Variants in ZBTB16 observed in about 807,000 individuals in gnomAD.
ZBTB16 encodes the protein zinc finger and BTB domain containing 16.
In ZBTB16, 8 loss-of-function variants were observed where a neutral mutation model predicts 56.8. The ratio of observed to expected loss-of-function variants is 0.14; its 90% CI spans 0.08 to 0.25. The LOEUF (loss-of-function observed/expected upper bound fraction) is 0.25. ZBTB16 is among the 10% of genes least tolerant of loss of function. The probability of loss-of-function intolerance (pLI) is 1.00; values close to 1 mark genes in which losing one functional copy is unlikely to be tolerated. For missense variants in ZBTB16, 625 were observed against 903.0 expected, an observed-to-expected ratio of 0.69 and a Z score of 3.95; for synonymous variants, 363 against 368.5, an observed-to-expected ratio of 0.98 and a Z score of 0.17.
chr11:114,199,140 A>G (rs1311922925), intron 4 of ZBTB16, among the ~76,000 whole-genome samples: 2 of 152,204 alleles, frequency 1.3e-5, no homozygotes, highest in Non-Finnish European at 2.9e-5. Flanking sequence ...GGGACCTGGG[A>G]CCGGGATGCC....
chr11:114,131,448 G>A (rs765662569), intron 2 of ZBTB16, among the ~76,000 whole-genome samples: 6 of 152,142 alleles, frequency 3.9e-5, no homozygotes, highest in Non-Finnish European at 7.3e-5. Flanking sequence ...TGCTGGAAAC[G>A]TTCTGAATAA....
chr11:114,061,309 C>T (rs1391101920), intron 1 of ZBTB16: 1 of 149,338 alleles, frequency 6.7e-6, no homozygotes, highest in Non-Finnish European at 1.5e-5. Context: ...AGATTTCCCT[C>T]AGGACCCAAA....
chr11:114,164,971 T>C (rs943180178), intron 3 of ZBTB16, among the ~76,000 whole-genome samples: 3 of 152,164 alleles, frequency 2.0e-5, no homozygotes, highest in Non-Finnish European at 4.4e-5. Flanking sequence ...GTATTTTCTG[T>C]CTTCCTTCTT....
chr11:114,121,578 G>A (rs1591687356), intron 2 of ZBTB16, among the ~76,000 whole-genome samples: 1 of 152,116 alleles, frequency 6.6e-6, no homozygotes, highest in African/African-American at 2.4e-5. Flanking sequence ...ATCTCATTTA[G>A]TCATGACAGT....
chr11:114,108,852 C>A (rs1940898768), intron 2 of ZBTB16, among the ~76,000 whole-genome samples: 1 of 152,244 alleles, frequency 6.6e-6, no homozygotes, highest in Non-Finnish European at 1.5e-5. Flanking sequence ...GATTGCTTGG[C>A]CTGAGCTCTT....
chr11:114,242,834 ACTTTCC>A (rs1944739651), intron 5 of ZBTB16, among the ~76,000 whole-genome samples: 1 of 152,172 alleles, frequency 6.6e-6, no homozygotes, highest in Non-Finnish European at 1.5e-5. Context: ...CAGTGATCCT[ACTTTCC>A]CCACAGTAAC....
At chr11:114,098,491 T>C (rs1461549995) in intron 2 of ZBTB16, among the ~76,000 whole-genome samples, 1 of 151,770 alleles carries the variant, frequency 6.6e-6, no homozygotes, top group African/African-American at 2.4e-5. Context: ...TAGTGTTGGA[T>C]CTTTTTTGGT....
chr11:114,231,509 T>C (rs1301292328), intron 4 of ZBTB16, among the ~76,000 whole-genome samples: 2 of 152,200 alleles, frequency 1.3e-5, no homozygotes. Flanking sequence ...TAGGAGGTCT[T>C]AAGCTGCTAA....
intron 2 of ZBTB16, among the ~76,000 whole-genome samples, chr11:114,100,292 T>A (rs1940562547): frequency 1.3e-5 from 2 of 152,148 alleles, no homozygotes; most frequent in African/African-American, 4.8e-5. Flanking sequence ...TAAAATTGGA[T>A]GGAGGTAGCT....
intron 3 of ZBTB16, among the ~76,000 whole-genome samples, chr11:114,171,440 C>T (rs1045123837): frequency 8.5e-5 from 13 of 152,188 alleles, no homozygotes; most frequent in Non-Finnish European, 1.5e-4. Flanking sequence ...GCCCTTTGGA[C>T]GGGGCCCTGG....
chr11:114,250,380 C>T lies in ZBTB16; in HGVS notation c.1847C>T (p.Ala616Val), dbSNP rs1944896518. The change falls in exon 7 of 7, where the codon GCC becomes GTC. Residue 616 changes from alanine (A) to valine (V), a missense_variant. This residue lies in a region of ZBTB16 where 40 missense variants were observed against 93.2 expected (regional missense o/e 0.43). Transcript: ENST00000335953. This position sits in a 1 kb window ranked among gnomAD's most constrained non-coding sequence, Gnocchi z 6.0. The stretch of plus-strand genomic sequence containing the variant: ...CACCAGCGCTCCCGGGACTACTCGG[C>T]CATGATCAAGCACCTGAGAACGCAC... ...LCHQRSRDYSAMIKHLRTHNG... is the reference protein window; with the variant it reads ...LCHQRSRDYSVMIKHLRTHNG... The T allele has an allele frequency of 6.2e-7, 1 of 1,613,888 alleles. No homozygotes were observed. Among genetic ancestry groups the T allele is most frequent in the African/African-American group, 1.3e-5 (1 of 74,930 alleles).
chr11:114,213,134 A>G (rs1944028912), intron 4 of ZBTB16, among the ~76,000 whole-genome samples: 2 of 151,912 alleles, frequency 1.3e-5, no homozygotes, highest in South Asian at 4.2e-4. Context: ...CTGCTCCACC[A>G]TGGCCTGGCT....
intron 2 of ZBTB16, among the ~76,000 whole-genome samples, chr11:114,078,085 G>C (rs1939632592): frequency 6.6e-6 from 1 of 152,166 alleles, no homozygotes; most frequent in Non-Finnish European, 1.5e-5. Flanking sequence ...GGAGAAGTGT[G>C]AAAGAGCCTG....
At chr11:114,220,403 GTAAA>G (rs1944207118) in intron 4 of ZBTB16, among the ~76,000 whole-genome samples, 1 of 152,216 alleles carries the variant, frequency 6.6e-6, no homozygotes, top group Non-Finnish European at 1.5e-5. Flanking sequence ...GTGAGTGTGT[GTAAA>G]TATGTCATGT....
chr11:114,237,081 G>T (rs1325721913), intron 4 of ZBTB16: 1 of 152,326 alleles, frequency 6.6e-6, no homozygotes, highest in East Asian at 1.9e-4. Flanking sequence ...GCACAAGGGT[G>T]CCCAGCTGAG....
chr11:114,116,991 G>A lies in ZBTB16; in HGVS notation c.1269-39346G>A, dbSNP rs117065272. 3.8e-3 allele frequency among the ~76,000 whole-genome samples: 579 copies of A among 152,236 alleles called. 9 individuals are homozygous for A. In the East Asian group the frequency reaches 0.048, roughly 13 times the overall value. On this transcript the variant is annotated intron_variant, in intron 2 of 6. Coordinates refer to ENST00000335953, the MANE Select transcript of ZBTB16 (RefSeq NM_006006.6). ...TAGAACAAAGTGTAGAGGAAATGGA[G>A]GTGAAGCAGCAATTGACTAGGTTTT...
rs185920495 is a variant in ZBTB16, at chr11:114,143,499, G to C, written c.1269-12838G>C. 1.3e-5 allele frequency among the ~76,000 whole-genome samples: 2 copies of C among 152,298 alleles called. No individual in the cohort carries two copies. Among genetic ancestry groups the C allele is most frequent in the Admixed American group, 1.3e-4 (2 of 15,300 alleles). On this transcript the variant is annotated intron_variant, in intron 2 of 6. Coordinates refer to ENST00000335953, the MANE Select transcript of ZBTB16 (RefSeq NM_006006.6). The surrounding 1 kb of genome is among the most constrained non-coding windows in gnomAD (Gnocchi z 6.4). ...TTCTAGGGATGGTACTGACCCTCTT[G>C]CCTAGTGAAATGTCCTTTTGGAAGT...
intron 4 of ZBTB16, among the ~76,000 whole-genome samples, chr11:114,191,705 T>G (rs946409979): frequency 1.3e-5 from 2 of 152,178 alleles, no homozygotes; most frequent in African/African-American, 4.8e-5. Flanking sequence ...TAAGACAAAA[T>G]TGTCTAATGA....
At chr11:114,083,885 T>G (rs1939869426) in intron 2 of ZBTB16, among the ~76,000 whole-genome samples, 1 of 152,218 alleles carries the variant, frequency 6.6e-6, no homozygotes. Flanking sequence ...TTCTCTTCTA[T>G]GATTTTAGTT....
Sources: gnomAD v4.1 joint callset for allele counts (sites outside exome capture counted in the v4.1 genomes callset) on GRCh38, gnomAD v4.1.1 for gene constraint, gnomAD v4.1.1 regional missense constraint, Gnocchi (gnomAD v3.1) non-coding constraint, MANE v1.5 for transcripts, NCBI Gene and HGNC (gene_info 2026-07-23, HGNC 2026-07-21) for gene names.